The following SIK3 variants were observed in gnomAD, a reference collection of about 807,000 sequenced individuals.
SIK3 encodes the protein SIK family kinase 3.
A neutral mutation model predicts 144.2 loss-of-function variants in SIK3; 28 were observed. The observed-to-expected ratio is 0.19, with a 90% confidence interval of 0.14 to 0.27. SIK3 has a LOEUF of 0.27. SIK3 is among the 10% of genes least tolerant of loss of function. The pLI is 1.00. For synonymous variants in SIK3, 686 were observed against 676.3 expected, an observed-to-expected ratio of 1.01 and a Z score of -0.22; for missense variants, 1,319 against 1,776.0, an observed-to-expected ratio of 0.74 and a Z score of 4.62.
intron 12 of SIK3, 53 bp downstream of exon 12, chr11:116,873,850 A>G: frequency 6.4e-7 from 1 of 1,567,178 alleles, no homozygotes; most frequent in South Asian, 1.2e-5. Flanking sequence ...AGCCTCTCAA[A>G]GGAAGCTCAA....
chr11:116,985,771 T>C (rs1950306632), intron 1 of SIK3, among the ~76,000 whole-genome samples: 1 of 152,224 alleles, frequency 6.6e-6, no homozygotes. Context: ...ATAAACACTT[T>C]GTAATATAGT....
At chr11:117,046,881 A>C (rs764567296) in intron 1 of SIK3, among the ~76,000 whole-genome samples, 8 of 152,198 alleles carry the variant, frequency 5.3e-5, no homozygotes, top group Non-Finnish European at 1.2e-4. Flanking sequence ...CCCTGTCTTA[A>C]AAACAAACAA....
At chr11:116,862,172 A>G (rs1369656425) in intron 17 of SIK3, 30 bp downstream of exon 17, 4 of 1,614,022 alleles carry the variant, frequency 2.5e-6, no homozygotes, top group South Asian at 1.1e-5. Flanking sequence ...ACTCCAAACA[A>G]GTTGGAGAAA....
chr11:116,879,148 G>C (rs1944417115), intron 6 of SIK3, among the ~76,000 whole-genome samples: 1 of 152,022 alleles, frequency 6.6e-6, no homozygotes, highest in Admixed American at 6.6e-5. Context: ...TATTTGTTGA[G>C]TATTTAATCA....
At chr11:116,913,618 G>A (rs999875873) in intron 4 of SIK3, among the ~76,000 whole-genome samples, 3 of 152,044 alleles carry the variant, frequency 2.0e-5, no homozygotes, top group African/African-American at 7.3e-5. Flanking sequence ...AGTACTCATC[G>A]GAATTCTTAA....
intron 5 of SIK3, 80 bp downstream of exon 5, chr11:116,897,113 T>C (rs762553136): frequency 1.4e-6 from 2 of 1,420,432 alleles, no homozygotes; most frequent in African/African-American, 1.4e-5. Flanking sequence ...TGCATCATTA[T>C]GTATCCTTCA....
intron 1 of SIK3, among the ~76,000 whole-genome samples, chr11:116,999,430 C>T (rs1387399350): frequency 6.6e-6 from 1 of 152,170 alleles, no homozygotes; most frequent in Non-Finnish European, 1.5e-5. Context: ...GAGCACAGGG[C>T]AATCATCAAT....
chr11:117,035,408 A>G (rs896953566), intron 1 of SIK3, among the ~76,000 whole-genome samples: 5 of 152,218 alleles, frequency 3.3e-5, no homozygotes, highest in African/African-American at 7.2e-5. Flanking sequence ...TATTAAATCT[A>G]TTAATGATTC....
In SIK3 at chr11:117,098,270, C is replaced by A; in HGVS notation, c.146G>T (p.Arg49Leu). 2 of 1,368,506 alleles carry A rather than the reference C, an allele frequency of 1.5e-6. No individual in the cohort carries two copies. The highest frequency in any genetic ancestry group is 1.9e-6 in the Non-Finnish European group (2 of 1,051,482). The allele number at this position is 1,368,506 out of a possible 1,614,324, so 84.8% of individuals were successfully genotyped here. A position where few individuals can be genotyped will look rare whatever the true frequency, so the allele number is the denominator to read the frequency against. Residue 49 changes from arginine to leucine, a missense_variant, in exon 1 of 25, where the codon CGT becomes CTT. Coordinates refer to ENST00000445177, the MANE Select transcript of SIK3 (RefSeq NM_001366686.3). ...AAVSPAAGQPRPPAPASRGPM... is the reference protein window; with the variant it reads ...AAVSPAAGQPLPPAPASRGPM... Reference sequence around the variant, plus strand: ...TCCGCGGGAGGCCGGGGCTGGGGGACGCGGCTGGCCGGCCGCAGGGGACAC... The same window carrying A: ...TCCGCGGGAGGCCGGGGCTGGGGGAAGCGGCTGGCCGGCCGCAGGGGACAC...
rs561602342 is a variant in SIK3, at chr11:116,916,823, G to C, written c.616+10396C>G. On this transcript the variant is annotated intron_variant, in intron 4 of 24. Coordinates refer to ENST00000445177, the MANE Select transcript of SIK3 (RefSeq NM_001366686.3). Reference sequence around the variant, plus strand: ...AAAAAAAAAAAAAATTTTTTTTTTAGGTCAGGCACAGTGTCTCATGCCTAT... The same window carrying C: ...AAAAAAAAAAAAAATTTTTTTTTTACGTCAGGCACAGTGTCTCATGCCTAT... Among the ~76,000 whole-genome samples, 4 of 151,174 alleles carry C rather than the reference G, an allele frequency of 2.6e-5. No homozygotes were observed. The East Asian group carries it at 7.8e-4, about 29-fold the overall frequency.
intron 1 of SIK3, among the ~76,000 whole-genome samples, chr11:117,012,765 T>C (rs563089135): frequency 3.8e-4 from 58 of 151,670 alleles, no homozygotes; most frequent in Non-Finnish European, 7.6e-4. Flanking sequence ...ATTGGGCACT[T>C]AGGGAAACAA....
intron 1 of SIK3, among the ~76,000 whole-genome samples, chr11:117,076,894 GC>G (rs1325122535): frequency 8.5e-5 from 13 of 152,284 alleles, no homozygotes; most frequent in East Asian, 3.9e-4. Context: ...GGCTGCTCAT[GC>G]CTATAATTCC....
At chr11:117,069,200 T>C (rs61903397) in intron 1 of SIK3, among the ~76,000 whole-genome samples, 1 of 146,598 alleles carries the variant, frequency 6.8e-6, no homozygotes. Context: ...GGGGGGGGTT[T>C]GTTGTTGTTA....
intron 3 of SIK3, among the ~76,000 whole-genome samples, chr11:116,930,811 T>C (rs1464571336): frequency 1.6e-5 from 2 of 127,766 alleles, no homozygotes; most frequent in Non-Finnish European, 3.2e-5. Context: ...AGTAGACACC[T>C]GCTGCATAAA....
chr11:116,977,475 A>T (rs1020187796), intron 1 of SIK3, among the ~76,000 whole-genome samples: 2 of 152,168 alleles, frequency 1.3e-5, no homozygotes, highest in Non-Finnish European at 2.9e-5. Flanking sequence ...TTAGTTAAAA[A>T]AAGACGAAGA....
chr11:116,945,914 C>G (rs7924318), intron 3 of SIK3, among the ~76,000 whole-genome samples: 24,614 of 152,104 alleles, frequency 0.16, 2,115 homozygotes, highest in Admixed American at 0.21. Flanking sequence ...GGTCTCTACC[C>G]TCTCACCCTT....
chr11:116,876,501 G>C (rs1000047666), intron 7 of SIK3, 138 bp from the exon 8 acceptor site: 20 of 709,738 alleles, frequency 2.8e-5, no homozygotes, highest in Non-Finnish European at 4.5e-5. Flanking sequence ...AAGGAAGAGA[G>C]CCCTGAGTGA....
At chr11:117,026,707 T>A (rs920211837) in intron 1 of SIK3, among the ~76,000 whole-genome samples, 2 of 152,200 alleles carry the variant, frequency 1.3e-5, no homozygotes, top group African/African-American at 4.8e-5. Flanking sequence ...TGAATGGGCA[T>A]ACCTCTGCCA....
intron 1 of SIK3, among the ~76,000 whole-genome samples, chr11:117,088,975 T>A (rs886627004): frequency 2.0e-5 from 3 of 151,486 alleles, no homozygotes; most frequent in African/African-American, 7.3e-5. Context: ...AACCACTGCA[T>A]CTGGCCAGGT....
Sources: gnomAD v4.1 joint callset for allele counts (sites outside exome capture counted in the v4.1 genomes callset) on GRCh38, gnomAD v4.1.1 for gene constraint, MANE v1.5 for transcripts, NCBI Gene and HGNC (gene_info 2026-07-23, HGNC 2026-07-21) for gene names.